RASGEF1A: variants seen among roughly 807,000 people sequenced by gnomAD.
The protein encoded by RASGEF1A is ras-GEF domain-containing family member 1A.
In RASGEF1A, 18 loss-of-function variants were observed where a neutral mutation model predicts 56.4. The ratio of observed to expected loss-of-function variants is 0.32; its 90% CI spans 0.22 to 0.47. The LOEUF is 0.47. Ranked by LOEUF, RASGEF1A falls within the 20% of genes least tolerant of loss-of-function variation. The pLI is 1.00. For missense variants in RASGEF1A, 422 were observed against 627.1 expected, an observed-to-expected ratio of 0.67 and a Z score of 3.49; for synonymous variants, 245 against 242.6, an observed-to-expected ratio of 1.01 and a Z score of -0.09.
chr10:43,206,979 G>A, intron 1 of RASGEF1A: 1 of 985,494 alleles, frequency 1.0e-6, no homozygotes, highest in South Asian at 4.7e-5. Flanking sequence ...ATGGGGCTCA[G>A]GGTCTCACCA....
intron 1 of RASGEF1A, among the ~76,000 whole-genome samples, chr10:43,220,279 G>A (rs865987525): frequency 6.6e-6 from 1 of 152,192 alleles, no homozygotes; most frequent in African/African-American, 2.4e-5. Flanking sequence ...GTGGAGGATC[G>A]CTTGAGCCCA....
chr10:43,208,507 A>T, intron 1 of RASGEF1A: 2 of 985,672 alleles, frequency 2.0e-6, no homozygotes, highest in South Asian at 9.4e-5. Context: ...GGGGGCCTGG[A>T]GGAGGAGCAT....
intron 1 of RASGEF1A, among the ~76,000 whole-genome samples, chr10:43,206,473 G>C (rs1222229844): frequency 6.6e-6 from 1 of 152,240 alleles, no homozygotes; most frequent in African/African-American, 2.4e-5. Context: ...AGAGGGCTGT[G>C]AACAACTGAT....
At chr10:43,200,500 C>T (rs1023725313) in intron 5 of RASGEF1A, among the ~76,000 whole-genome samples, 167 bp downstream of exon 5, 3 of 152,158 alleles carry the variant, frequency 2.0e-5, no homozygotes, top group South Asian at 2.1e-4. Context: ...CAGAGGTGCC[C>T]GCCACTCAGA....
chr10:43,227,300 G>A (rs771683389), intron 1 of RASGEF1A, among the ~76,000 whole-genome samples: 17 of 151,656 alleles, frequency 1.1e-4, no homozygotes, highest in Non-Finnish European at 1.5e-5. Flanking sequence ...CTGCCCCCCC[G>A]ACAGATGGCA....
In RASGEF1A at chr10:43,194,779, T is replaced by C. The variant is rs1186341607; in HGVS notation, c.*1465A>G. ...CCGTTCTAAGGCTGTATTCCAAATATATATTCTCAAGTTTTAAGCCTTTCT... is the reference window on the plus strand; with the variant it reads ...CCGTTCTAAGGCTGTATTCCAAATACATATTCTCAAGTTTTAAGCCTTTCT... On this transcript the variant is annotated 3_prime_UTR_variant, in exon 13 of 13. Transcript: ENST00000395810. The C allele has an allele frequency of 2.6e-5, 4 of 152,630 alleles. No individual in the cohort carries two copies. The highest frequency in any genetic ancestry group is 9.6e-5 in the African/African-American group (4 of 41,470). 9.5% of individuals were successfully genotyped at this position (152,630 alleles called of 1,614,324 possible).
intron 1 of RASGEF1A, among the ~76,000 whole-genome samples, chr10:43,262,062 C>T (rs1050584570): frequency 2.0e-5 from 3 of 152,136 alleles, no homozygotes; most frequent in Admixed American, 6.5e-5. Context: ...CGGATGCACT[C>T]AAGGCTGCCT....
intron 1 of RASGEF1A, among the ~76,000 whole-genome samples, chr10:43,245,934 T>C (rs935344298): frequency 2.6e-5 from 4 of 152,114 alleles, no homozygotes; most frequent in African/African-American, 9.7e-5. Context: ...GAAAAAGATA[T>C]AAAAGACACC....
rs1839830317 is a variant in RASGEF1A at position 43,198,144 on chromosome 10, C to A, written c.1084G>T (p.Gly362Trp). 1 of 1,613,974 alleles carries A rather than the reference C, an allele frequency of 6.2e-7. No homozygotes were observed. The highest frequency in any genetic ancestry group is 8.5e-7 in the Non-Finnish European group (1 of 1,179,950). Residue 362 changes from glycine (G) to tryptophan (W), a missense_variant, in exon 10 of 13, where the codon GGG becomes TGG. Transcript: ENST00000395810. ...NFCNYRTALQ[G>W]ATQRSQMANS... Reference sequence around the variant, plus strand: ...GCCATCTGGGACCTCTGCGTGGCCCCCTGCAGGGCTGTACGGTAGTTGCAG... The same window carrying A: ...GCCATCTGGGACCTCTGCGTGGCCCACTGCAGGGCTGTACGGTAGTTGCAG...
intron 1 of RASGEF1A, among the ~76,000 whole-genome samples, chr10:43,227,399 A>G (rs1480258029): frequency 2.0e-5 from 3 of 152,040 alleles, no homozygotes; most frequent in East Asian, 3.9e-4. Context: ...TGGACCCCCA[A>G]TGCACAGAGG....
intron 1 of RASGEF1A, among the ~76,000 whole-genome samples, chr10:43,263,132 C>T (rs568253095): frequency 9.2e-5 from 14 of 152,190 alleles, no homozygotes; most frequent in African/African-American, 2.9e-4. Context: ...CGGATCAGCA[C>T]GGAGGAGGGA....
chr10:43,210,868 G>T (rs12243574), intron 1 of RASGEF1A, among the ~76,000 whole-genome samples: 8,544 of 71,874 alleles, frequency 0.12, 303 homozygotes, highest in East Asian at 0.34. Context: ...TGCAGGGAGT[G>T]GGGGACAGGC....
intron 3 of RASGEF1A, among the ~76,000 whole-genome samples, chr10:43,202,388 C>T (rs1839913822): frequency 6.6e-6 from 1 of 152,192 alleles, no homozygotes. Flanking sequence ...GCGCCCTAGT[C>T]CACAGGCATG....
intron 1 of RASGEF1A, among the ~76,000 whole-genome samples, chr10:43,225,162 TTGTGTCTCTGTGTCTGTG>T (rs1278593246): frequency 1.3e-4 from 17 of 134,490 alleles, no homozygotes; most frequent in African/African-American, 2.5e-4. Context: ...GTGTGTGTCT[TTGTGTCTCTGTGTCTGTG>T]TGTGTCTCTG....
intron 1 of RASGEF1A, among the ~76,000 whole-genome samples, chr10:43,263,222 G>C (rs1048485024): frequency 1.3e-5 from 2 of 152,078 alleles, no homozygotes; most frequent in African/African-American, 4.8e-5. Context: ...ATGGGAGGAG[G>C]AGAACCAGGG....
intron 1 of RASGEF1A, among the ~76,000 whole-genome samples, chr10:43,223,620 A>G (rs552037200): frequency 6.6e-6 from 1 of 152,372 alleles, no homozygotes; most frequent in South Asian, 2.1e-4. Flanking sequence ...AAAGCAAATT[A>G]GATGACTTAA....
chr10:43,262,266 T>G (rs956759886), intron 1 of RASGEF1A, among the ~76,000 whole-genome samples: 3 of 152,124 alleles, frequency 2.0e-5, no homozygotes, highest in African/African-American at 7.2e-5. Context: ...TACTCTTTGT[T>G]AACAGCGTTG....
rs1050804049 is a variant in RASGEF1A at position 43,207,448 on chromosome 10, C to T, written c.-6-1326G>A. ...CACACACACACACACACACACAGCACGTCCCTGTCCCTCCCACCAGGGAAA... is the reference window on the plus strand; with the variant it reads ...CACACACACACACACACACACAGCATGTCCCTGTCCCTCCCACCAGGGAAA... On this transcript the variant is annotated intron_variant, in intron 1 of 12. Transcript: ENST00000395810. The T allele has an allele frequency of 2.8e-5, 26 of 932,326 alleles. No individual in the cohort carries two copies. In the East Asian group the frequency reaches 5.9e-4, roughly 21 times the overall value. The allele number at this position is 932,326 out of a possible 1,614,324, so 57.8% of individuals were successfully genotyped here. A position where few individuals can be genotyped will look rare whatever the true frequency, so the allele number is the denominator to read the frequency against.
At chr10:43,215,290 CT>C (rs1159747033) in intron 1 of RASGEF1A, among the ~76,000 whole-genome samples, 1 of 152,202 alleles carries the variant, frequency 6.6e-6, no homozygotes, top group East Asian at 1.9e-4. Flanking sequence ...CAGGGGGCTT[CT>C]TTCTGAGGCA....
Sources: gnomAD v4.1 joint callset for allele counts (sites outside exome capture counted in the v4.1 genomes callset) on GRCh38, gnomAD v4.1.1 for gene constraint, MANE v1.5 for transcripts, NCBI Gene and HGNC (gene_info 2026-07-23, HGNC 2026-07-21) for gene names.